The following PLCB1 variants were observed in gnomAD, a reference collection of about 807,000 sequenced individuals.
PLCB1 encodes 1-phosphatidylinositol 4,5-bisphosphate phosphodiesterase beta-1.
A neutral mutation model predicts 161.8 loss-of-function variants in PLCB1; 46 were observed. That is an observed-to-expected ratio of 0.28 (90% CI 0.22 to 0.36). The LOEUF (loss-of-function observed/expected upper bound fraction) is 0.36. Among genes scored for constraint, PLCB1 ranks in the 10% least tolerant of loss-of-function variants. The pLI, the probability that PLCB1 is intolerant of heterozygous loss-of-function variation, is 1.00. For synonymous variants in PLCB1, 517 were observed against 503.7 expected (o/e 1.03, Z -0.35); for missense variants, 1,016 against 1,472.5 (o/e 0.69, Z 5.07).
At chr20:8,284,166 G>A (rs1296053477) in intron 2 of PLCB1, among the ~76,000 whole-genome samples, 1 of 151,940 alleles carries the variant, frequency 6.6e-6, no homozygotes, top group Non-Finnish European at 1.5e-5. Flanking sequence ...CTTACTGCTA[G>A]TCTTTTCTTC....
intron 2 of PLCB1, among the ~76,000 whole-genome samples, chr20:8,208,778 G>A (rs938811342): frequency 6.6e-5 from 10 of 152,004 alleles, no homozygotes; most frequent in Non-Finnish European, 8.8e-5. Flanking sequence ...CATTTCATGA[G>A]ATTATTGAAT....
intron 3 of PLCB1, among the ~76,000 whole-genome samples, chr20:8,375,802 TC>T (rs1396142706): frequency 3.9e-5 from 6 of 152,112 alleles, no homozygotes; most frequent in African/African-American, 1.4e-4. Flanking sequence ...GTATGTAAGT[TC>T]CGTTAGCCCT....
intron 27 of PLCB1, among the ~76,000 whole-genome samples, chr20:8,778,447 T>C (rs1983050628): frequency 6.6e-6 from 1 of 152,010 alleles, no homozygotes; most frequent in South Asian, 2.1e-4. Context: ...TGGTTGGGAA[T>C]TGGGGAAAAC....
At chr20:8,347,258 ATAAT>A (rs1986029796) in intron 2 of PLCB1, among the ~76,000 whole-genome samples, 2 of 152,258 alleles carry the variant, frequency 1.3e-5, no homozygotes, top group African/African-American at 2.4e-5. Flanking sequence ...AGCACTTTGT[ATAAT>A]TAAAGTTCTA....
At chr20:8,553,772 G>T (rs1018137248) in intron 3 of PLCB1, among the ~76,000 whole-genome samples, 5 of 151,780 alleles carry the variant, frequency 3.3e-5, no homozygotes, top group Admixed American at 3.3e-4. Flanking sequence ...AGGCTGAGGC[G>T]GGTGGATCAC....
intron 9 of PLCB1, among the ~76,000 whole-genome samples, chr20:8,667,302 C>T (rs961259449): frequency 6.6e-6 from 1 of 152,154 alleles, no homozygotes; most frequent in African/African-American, 2.4e-5. Context: ...CGGAAGGTTA[C>T]AGAAAAATGG....
At chr20:8,234,564 C>T (rs1357568434) in intron 2 of PLCB1, among the ~76,000 whole-genome samples, 1 of 152,108 alleles carries the variant, frequency 6.6e-6, no homozygotes, top group Non-Finnish European at 1.5e-5. Flanking sequence ...TTTCCACGTC[C>T]TATTAAATAC....
chr20:8,156,293 C>T (rs988987676), intron 2 of PLCB1, among the ~76,000 whole-genome samples: 6 of 152,174 alleles, frequency 3.9e-5, no homozygotes, highest in African/African-American at 1.2e-4. Flanking sequence ...ATATTATATC[C>T]CAGAACTCTC....
intron 3 of PLCB1, among the ~76,000 whole-genome samples, chr20:8,540,025 T>C (rs1383522424): frequency 1.3e-5 from 2 of 152,142 alleles, no homozygotes; most frequent in African/African-American, 2.4e-5. Context: ...AATCAATTAA[T>C]AATTGATATC....
At chr20:8,504,517 T>A (rs764555514) in intron 3 of PLCB1, among the ~76,000 whole-genome samples, 8 of 152,244 alleles carry the variant, frequency 5.3e-5, no homozygotes, top group Non-Finnish European at 7.3e-5. Context: ...GTGAGATGGT[T>A]GTGTTACACA....
intron 31 of PLCB1, among the ~76,000 whole-genome samples, chr20:8,864,223 CAA>C (rs1035429873): frequency 4.6e-5 from 7 of 152,120 alleles, no homozygotes; most frequent in Admixed American, 3.9e-4. Flanking sequence ...GACAAATGTG[CAA>C]AAAGACTGGC....
At position 8,638,648 on chromosome 20, in the gene PLCB1, C is replaced by T. The variant is rs535674573; in HGVS notation, c.385-7454C>T. Among the ~76,000 whole-genome samples, 9 of 152,284 alleles carry T rather than the reference C, an allele frequency of 5.9e-5. No homozygotes were observed. The South Asian group carries it at 1.9e-3, about 32-fold the overall frequency. On this transcript the variant is annotated intron_variant, in intron 4 of 31. Coordinates refer to ENST00000338037, the MANE Select transcript of PLCB1 (RefSeq NM_015192.4). ...GGACGTAGAAGTGATCATTGCCTTTCCAACCCCTCTGAACAACTTTTAAGA... is the reference window on the plus strand; with the variant it reads ...GGACGTAGAAGTGATCATTGCCTTTTCAACCCCTCTGAACAACTTTTAAGA...
At chr20:8,173,689 T>C (rs2051754755) in intron 2 of PLCB1, among the ~76,000 whole-genome samples, 1 of 152,194 alleles carries the variant, frequency 6.6e-6, no homozygotes, top group Non-Finnish European at 1.5e-5. Context: ...TTTGGAATTA[T>C]CTTACAAGAA....
intron 2 of PLCB1, among the ~76,000 whole-genome samples, chr20:8,179,383 C>T (rs1208207196): frequency 6.6e-6 from 1 of 151,910 alleles, no homozygotes; most frequent in African/African-American, 2.4e-5. Context: ...GTATTTTATT[C>T]TTTTTTTGTG....
intron 3 of PLCB1, among the ~76,000 whole-genome samples, chr20:8,563,639 T>G (rs1986224316): frequency 6.6e-6 from 1 of 152,252 alleles, no homozygotes; most frequent in Non-Finnish European, 1.5e-5. Context: ...ATAAGCAACT[T>G]CAGCATAGTC....
At chr20:8,803,563 A>G (rs773072829) in intron 31 of PLCB1, among the ~76,000 whole-genome samples, 5 of 151,078 alleles carry the variant, frequency 3.3e-5, no homozygotes, top group Non-Finnish European at 7.4e-5. Context: ...TTGTTTCTGT[A>G]TTACCTTGTA....
chr20:8,214,729 G>C (rs2123150796), intron 2 of PLCB1, among the ~76,000 whole-genome samples: 1 of 152,036 alleles, frequency 6.6e-6, no homozygotes, highest in South Asian at 2.1e-4. Context: ...TTTTTCATGT[G>C]ATAATATCCT....
intron 10 of PLCB1, among the ~76,000 whole-genome samples, chr20:8,687,025 T>TATTATC (rs1990376170): frequency 6.6e-6 from 1 of 151,144 alleles, no homozygotes; most frequent in Non-Finnish European, 1.5e-5. Flanking sequence ...TTTAAATTAT[T>TATTATC]ATTATTATTA....
chr20:8,429,048 G>A (rs1344490678), intron 3 of PLCB1, among the ~76,000 whole-genome samples: 1 of 152,134 alleles, frequency 6.6e-6, no homozygotes, highest in East Asian at 1.9e-4. Context: ...GAAAGAATGA[G>A]AGGAGGTTTA....
Sources: gnomAD v4.1 joint callset for allele counts (sites outside exome capture counted in the v4.1 genomes callset) on GRCh38, gnomAD v4.1.1 for gene constraint, MANE v1.5 for transcripts, NCBI Gene and HGNC (gene_info 2026-07-23, HGNC 2026-07-21) for gene names.